TLL2: variants seen among roughly 807,000 people sequenced by gnomAD.
TLL2 encodes tolloid-like protein 2.
TLL2 carries 106 observed loss-of-function variants against 123.0 expected under a neutral mutation model. That is an observed-to-expected ratio of 0.86 (90% confidence interval 0.74 to 1.01). TLL2 has a LOEUF of 1.01. TLL2 is among the 50% of genes least tolerant of loss of function. The pLI, the probability that TLL2 is intolerant of heterozygous loss-of-function variation, is 0.00. For missense variants in TLL2, 1,332 were observed against 1,336.7 expected (o/e 1.00, Z 0.06); for synonymous variants, 494 against 516.8 (o/e 0.96, Z 0.60).
chr10:96,387,720 A>G (rs1441522081), intron 13 of TLL2, among the ~76,000 whole-genome samples: 1 of 152,192 alleles, frequency 6.6e-6, no homozygotes, highest in Non-Finnish European at 1.5e-5. Flanking sequence ...GATGGGATTC[A>G]GCACCAAGGG....
rs371031198 is a variant in TLL2, at chr10:96,456,929, C to T, written c.287-10761G>A. Among the ~76,000 whole-genome samples, 18 of 152,276 alleles carry T rather than the reference C, an allele frequency of 1.2e-4. No individual in the cohort carries two copies. The East Asian group carries it at 1.4e-3, about 11-fold the overall frequency. ...TAAGGACAAGAAGGTTTTCAACAAA[C>T]GGGGATGGGAGGGAGTCAGTTAGGA... On this transcript the variant is annotated intron_variant, in intron 2 of 20. Transcript: ENST00000357947.
At chr10:96,480,234 TA>T (rs1420025237) in intron 2 of TLL2, 114 bp downstream of exon 2, 1 of 831,986 alleles carries the variant, frequency 1.2e-6, no homozygotes. Flanking sequence ...TTTCCACAAA[TA>T]GGGGGGCATT....
chr10:96,413,329 A>T lies in TLL2; in HGVS notation c.924-13T>A. 6.2e-7 allele frequency: 1 copy of T among 1,609,334 alleles called. No individual in the cohort carries two copies. The highest frequency in any genetic ancestry group is 8.5e-7 in the Non-Finnish European group (1 of 1,176,150). The stretch of plus-strand genomic sequence containing the variant: ...TAAGAAAACTCCTCTACAGGAAGGA[A>T]AAAAGACAGAAAAAGAAAAGTCAAG... On this transcript the variant is annotated splice_polypyrimidine_tract_variant and intron_variant, in intron 7 of 20. Transcript: ENST00000357947.
chr10:96,417,400 G>A (rs1564903078), intron 7 of TLL2, among the ~76,000 whole-genome samples: 2 of 152,214 alleles, frequency 1.3e-5, no homozygotes. Context: ...TCTGAACTCT[G>A]GGGCAGAGGT....
Position 96,376,830 on chromosome 10 carries a change from C to T in TLL2, c.2321-11G>A. On this transcript the variant is annotated splice_polypyrimidine_tract_variant and intron_variant, in intron 17 of 20. Coordinates refer to ENST00000357947, the MANE Select transcript of TLL2 (RefSeq NM_012465.4). ...TGTGTGCACAGCCAGCTGGGGGTGG[C>T]AGGGGGACACATACAAAGAGAGAAG... 12 of 1,512,844 alleles carry T rather than the reference C, an allele frequency of 7.9e-6. No homozygotes were observed. The highest frequency in any genetic ancestry group is 9.7e-6 in the Non-Finnish European group (11 of 1,134,316). 93.7% of individuals were successfully genotyped at this position (1,512,844 alleles called of 1,614,324 possible). A position where few individuals can be genotyped will look rare whatever the true frequency, so the allele number is the denominator to read the frequency against.
intron 3 of TLL2, among the ~76,000 whole-genome samples, chr10:96,442,557 G>A (rs910091195): frequency 4.6e-5 from 7 of 152,196 alleles, no homozygotes; most frequent in Admixed American, 6.5e-5. Context: ...GTCTGCTGCT[G>A]TAATGCAGAG....
intron 16 of TLL2, among the ~76,000 whole-genome samples, chr10:96,383,315 G>A (rs1589407220): frequency 6.6e-6 from 1 of 152,294 alleles, no homozygotes; most frequent in East Asian, 1.9e-4. Context: ...TGTGTGATAT[G>A]GTTTGGCAGT....
intron 16 of TLL2, among the ~76,000 whole-genome samples, chr10:96,382,693 C>T (rs1846196713): frequency 6.6e-6 from 1 of 152,226 alleles, no homozygotes; most frequent in Admixed American, 6.5e-5. Context: ...CCATGTGGTG[C>T]CTTTCACCTT....
chr10:96,376,617 G>T, intron 18 of TLL2, 75 bp downstream of exon 18: 1 of 1,514,822 alleles, frequency 6.6e-7, no homozygotes, highest in Non-Finnish European at 9.0e-7. Flanking sequence ...CTGGGAAGTG[G>T]CAGAGCAGAG....
intron 2 of TLL2, among the ~76,000 whole-genome samples, chr10:96,466,180 G>A (rs1847130165): frequency 6.6e-6 from 1 of 152,190 alleles, no homozygotes; most frequent in Non-Finnish European, 1.5e-5. Context: ...AAGTAGTAGC[G>A]GGAGCTAGAG....
chr10:96,447,625 A>G (rs2134087969), intron 2 of TLL2, among the ~76,000 whole-genome samples: 1 of 152,334 alleles, frequency 6.6e-6, no homozygotes, highest in South Asian at 2.1e-4. Context: ...ACCAGGGAGC[A>G]GATTTGAGGA....
chr10:96,507,935 C>A (rs2134117581), intron 1 of TLL2, among the ~76,000 whole-genome samples: 1 of 152,308 alleles, frequency 6.6e-6, no homozygotes, highest in East Asian at 1.9e-4. Context: ...TCCATCAAAT[C>A]AGCACCTGCC....
chr10:96,445,296 A>G (rs1280335846), intron 3 of TLL2, among the ~76,000 whole-genome samples: 1 of 152,238 alleles, frequency 6.6e-6, no homozygotes, highest in Non-Finnish European at 1.5e-5. Flanking sequence ...CGGGAAGTCC[A>G]GCAGCCCCTC....
At chr10:96,454,020 C>CAT (rs1487525119) in intron 2 of TLL2, among the ~76,000 whole-genome samples, 1 of 152,048 alleles carries the variant, frequency 6.6e-6, no homozygotes, top group Non-Finnish European at 1.5e-5. Context: ...TGCACACACA[C>CAT]ACACACACAC....
At chr10:96,386,366 C>G in intron 14 of TLL2, 151 bp from the exon 15 acceptor site, 1 of 812,300 alleles carries the variant, frequency 1.2e-6, no homozygotes, top group Non-Finnish European at 1.8e-6. Context: ...TTGTTCAAAA[C>G]TAATGGTTTC....
chr10:96,423,244 C>A (rs927962084), intron 5 of TLL2, among the ~76,000 whole-genome samples: 1 of 152,096 alleles, frequency 6.6e-6, no homozygotes, highest in Non-Finnish European at 1.5e-5. Flanking sequence ...GGTTCTTGAG[C>A]TTTTTGTGGT....
chr10:96,429,094 C>G (rs1846710209), intron 4 of TLL2, among the ~76,000 whole-genome samples: 1 of 152,090 alleles, frequency 6.6e-6, no homozygotes, highest in Non-Finnish European at 1.5e-5. Flanking sequence ...TGAGCCACGG[C>G]ACCCAGCCTC....
chr10:96,409,654 G>A lies in TLL2; in HGVS notation c.1164+705C>T, dbSNP rs191473610. Among the ~76,000 whole-genome samples, 11 of 152,306 alleles carry A rather than the reference G, an allele frequency of 7.2e-5. No homozygotes were observed. The East Asian group carries it at 2.1e-3, about 29-fold the overall frequency. On this transcript the variant is annotated intron_variant, in intron 9 of 20. Transcript: ENST00000357947. Reference sequence around the variant, plus strand: ...TTGAAAACATACCACCCTTGGACCAGAGTGAAAGAGATCCTTGCCCTGGGC... The same window carrying A: ...TTGAAAACATACCACCCTTGGACCAAAGTGAAAGAGATCCTTGCCCTGGGC...
At chr10:96,475,647 G>A (rs1847231571) in intron 2 of TLL2, among the ~76,000 whole-genome samples, 1 of 152,178 alleles carries the variant, frequency 6.6e-6, no homozygotes, top group African/African-American at 2.4e-5. Context: ...GGAGGCCTCT[G>A]GGGTTGCACT....
Sources: allele counts gnomAD v4.1 joint callset (sites outside exome capture counted in the v4.1 genomes callset), GRCh38; gene constraint gnomAD v4.1.1; transcripts MANE v1.5; gene names NCBI Gene and HGNC (gene_info 2026-07-23, HGNC 2026-07-21).